KIAA0825: variants seen among roughly 807,000 people sequenced by gnomAD.
KIAA0825 encodes the protein KIAA0825, also known as uncharacterized protein KIAA0825.
Under a neutral mutation model 147.6 loss-of-function variants are expected in KIAA0825, and 119 were observed. The ratio of observed to expected loss-of-function variants is 0.81; its 90% confidence interval spans 0.69 to 0.94. The LOEUF is 0.94. Among genes scored for constraint, KIAA0825 ranks in the 40% least tolerant of loss-of-function variants. The probability of loss-of-function intolerance (pLI) is 0.00; values close to 1 mark genes in which losing one functional copy is unlikely to be tolerated. For synonymous variants in KIAA0825, 470 were observed against 518.1 expected, an observed-to-expected ratio of 0.91 and a Z score of 1.26; for missense variants, 1,381 against 1,472.7, an observed-to-expected ratio of 0.94 and a Z score of 1.02.
chr5:94,227,794 G>A (rs1461748082), intron 20 of KIAA0825, among the ~76,000 whole-genome samples: 3 of 151,540 alleles, frequency 2.0e-5, no homozygotes, highest in Non-Finnish European at 2.9e-5. Context: ...GACACAGGGC[G>A]GGGAACATCA....
chr5:94,612,918 C>T (rs890039761), intron 1 of KIAA0825, among the ~76,000 whole-genome samples: 10 of 152,172 alleles, frequency 6.6e-5, no homozygotes, highest in Admixed American at 5.2e-4. Flanking sequence ...TGTGTACCTA[C>T]ACACAGTATT....
chr5:94,539,596 C>T (rs954772235), intron 2 of KIAA0825, among the ~76,000 whole-genome samples: 7 of 152,026 alleles, frequency 4.6e-5, no homozygotes, highest in Admixed American at 3.3e-4. Flanking sequence ...AGGAAATGGA[C>T]CACAGCACTG....
intron 6 of KIAA0825, among the ~76,000 whole-genome samples, chr5:94,481,827 A>T (rs572034099): frequency 1.2e-4 from 18 of 152,210 alleles, no homozygotes; most frequent in African/African-American, 4.1e-4. Flanking sequence ...TTCTTCTTAC[A>T]TCCAATTGAA....
chr5:94,205,926 G>A (rs1306299983), intron 20 of KIAA0825, among the ~76,000 whole-genome samples: 2 of 152,074 alleles, frequency 1.3e-5, no homozygotes, highest in Non-Finnish European at 2.9e-5. Flanking sequence ...CCGATATAAA[G>A]GATGCTTGCA....
At chr5:94,204,957 G>A (rs1328636745) in intron 20 of KIAA0825, among the ~76,000 whole-genome samples, 1 of 151,986 alleles carries the variant, frequency 6.6e-6, no homozygotes, top group African/African-American at 2.4e-5. Flanking sequence ...AAAAAATGAA[G>A]TGAAAGAGAA....
chr5:94,441,761 C>T (rs956923564), intron 13 of KIAA0825, among the ~76,000 whole-genome samples: 14 of 152,110 alleles, frequency 9.2e-5, no homozygotes, highest in African/African-American at 2.9e-4. Flanking sequence ...GTTAAGCCAC[C>T]CAATCTATGG....
intron 20 of KIAA0825, among the ~76,000 whole-genome samples, chr5:94,367,868 G>T (rs1311665417): frequency 6.6e-6 from 1 of 152,190 alleles, no homozygotes; most frequent in African/African-American, 2.4e-5. Flanking sequence ...ATTCATGGCA[G>T]TTTAATATGT....
chr5:94,524,337 A>G (rs1407899740), intron 3 of KIAA0825, among the ~76,000 whole-genome samples: 1 of 151,716 alleles, frequency 6.6e-6, no homozygotes, highest in Admixed American at 6.6e-5. Flanking sequence ...CAGATGAACT[A>G]GAAATTCTTT....
chr5:94,237,028 G>A (rs963723865), intron 20 of KIAA0825, among the ~76,000 whole-genome samples: 1 of 150,154 alleles, frequency 6.7e-6, no homozygotes, highest in Non-Finnish European at 1.5e-5. Context: ...TCTGAAGTAT[G>A]CCTAAATAGG....
At chr5:94,232,009 G>T (rs910056417) in intron 20 of KIAA0825, among the ~76,000 whole-genome samples, 2 of 152,038 alleles carry the variant, frequency 1.3e-5, no homozygotes, top group Non-Finnish European at 2.9e-5. Context: ...TTTATATGTT[G>T]CTTTGGGGAA....
At chr5:94,203,926 A>C (rs1771920841) in intron 20 of KIAA0825, among the ~76,000 whole-genome samples, 1 of 152,178 alleles carries the variant, frequency 6.6e-6, no homozygotes. Flanking sequence ...AATGTTAACA[A>C]ATAAAAATGT....
intron 14 of KIAA0825, among the ~76,000 whole-genome samples, chr5:94,422,477 C>A (rs1480099741): frequency 6.6e-6 from 1 of 152,184 alleles, no homozygotes; most frequent in Non-Finnish European, 1.5e-5. Flanking sequence ...TTTCTGAAGG[C>A]TCCCATGTCA....
At chr5:94,477,522 C>T (rs1762026825) in intron 6 of KIAA0825, among the ~76,000 whole-genome samples, 1 of 151,764 alleles carries the variant, frequency 6.6e-6, no homozygotes, top group South Asian at 2.1e-4. Context: ...AGATTTTTGT[C>T]ATTAGTTTAT....
chr5:94,529,902 A>G (rs1046597724), intron 3 of KIAA0825, among the ~76,000 whole-genome samples: 1 of 152,200 alleles, frequency 6.6e-6, no homozygotes, highest in Non-Finnish European at 1.5e-5. Flanking sequence ...GGACTGTTTT[A>G]GGCAGTGAAA....
intron 20 of KIAA0825, among the ~76,000 whole-genome samples, chr5:94,224,528 C>G (rs962800443): frequency 6.6e-6 from 1 of 152,154 alleles, no homozygotes; most frequent in Non-Finnish European, 1.5e-5. Context: ...TCACTAGGAA[C>G]GGTCCTATGA....
At chr5:94,327,743 C>T (rs1780841586) in intron 20 of KIAA0825, among the ~76,000 whole-genome samples, 1 of 152,114 alleles carries the variant, frequency 6.6e-6, no homozygotes, top group African/African-American at 2.4e-5. Context: ...TGCGGTGGCT[C>T]ATGCCTGTAA....
intron 20 of KIAA0825, among the ~76,000 whole-genome samples, chr5:94,154,389 T>C (rs150103148): frequency 9.5e-4 from 144 of 152,356 alleles, no homozygotes; most frequent in African/African-American, 3.4e-3. Flanking sequence ...GAGGTTTCTG[T>C]ATTTCAAGAA....
chr5:94,551,938 C>A (rs1181651304), intron 2 of KIAA0825, among the ~76,000 whole-genome samples: 1 of 151,802 alleles, frequency 6.6e-6, no homozygotes, highest in Non-Finnish European at 1.5e-5. Flanking sequence ...TCAATAATAA[C>A]CTTGAATGAA....
At chr5:94,532,477 T>G (rs557063823) in intron 3 of KIAA0825, among the ~76,000 whole-genome samples, 1 of 151,700 alleles carries the variant, frequency 6.6e-6, no homozygotes, top group African/African-American at 2.4e-5. Context: ...GCTCCTTCCT[T>G]CCTCCCTTCC....
Sources: gnomAD v4.1 joint callset for allele counts (sites outside exome capture counted in the v4.1 genomes callset) on GRCh38, gnomAD v4.1.1 for gene constraint, MANE v1.5 for transcripts, NCBI Gene and HGNC (gene_info 2026-07-23, HGNC 2026-07-21) for gene names.